COL24A1: variants seen among roughly 807,000 people sequenced by gnomAD.
The protein encoded by COL24A1 is collagen alpha-1(XXIV) chain.
In COL24A1, 224 loss-of-function variants were observed where a neutral mutation model predicts 253.9. The ratio of observed to expected loss-of-function variants is 0.88; its 90% confidence interval spans 0.79 to 0.99. The LOEUF (loss-of-function observed/expected upper bound fraction) is 0.99, where lower values mean the gene tolerates loss of function less well. COL24A1 is among the 50% of genes least tolerant of loss of function. The probability of loss-of-function intolerance (pLI) is 0.00; values close to 1 mark genes in which losing one functional copy is unlikely to be tolerated. For synonymous variants in COL24A1, 685 were observed against 673.7 expected (o/e 1.02, Z -0.26); for missense variants, 2,131 against 2,068.5 (o/e 1.03, Z -0.59).
intron 58 of COL24A1, among the ~76,000 whole-genome samples, chr1:85,735,526 G>A (rs980014784): frequency 2.0e-4 from 31 of 151,814 alleles, no homozygotes; most frequent in African/African-American, 2.4e-5. Flanking sequence ...GAGCCTTAAC[G>A]GACTAGGACA....
chr1:85,842,044 TA>T, intron 41 of COL24A1, 23 bp downstream of exon 41: 2 of 1,604,630 alleles, frequency 1.2e-6, no homozygotes, highest in South Asian at 1.1e-5. Context: ...ACTTTAAGAT[TA>T]AAAAGCCAAT....
chr1:86,022,218 C>A (rs1697605782), intron 18 of COL24A1, 22 bp downstream of exon 18: 1 of 1,609,760 alleles, frequency 6.2e-7, no homozygotes. Flanking sequence ...TTACAAAGAG[C>A]AAAGCAAAAG....
At chr1:85,969,832 A>G (rs1253721385) in intron 22 of COL24A1, among the ~76,000 whole-genome samples, 1 of 152,034 alleles carries the variant, frequency 6.6e-6, no homozygotes, top group Non-Finnish European at 1.5e-5. Context: ...TACCCATGGT[A>G]TTATCTGATG....
At chr1:85,925,720 C>T (rs1193924071) in intron 24 of COL24A1, among the ~76,000 whole-genome samples, 2 of 152,146 alleles carry the variant, frequency 1.3e-5, no homozygotes, top group Admixed American at 1.3e-4. Flanking sequence ...CATAAAAACC[C>T]TAGAAGAAAA....
At chr1:85,870,335 C>T (rs936164695) in intron 35 of COL24A1, among the ~76,000 whole-genome samples, 7 of 152,190 alleles carry the variant, frequency 4.6e-5, no homozygotes, top group Admixed American at 1.3e-4. Context: ...CTCAGCTCTG[C>T]ACCAAGCAGA....
intron 7 of COL24A1, among the ~76,000 whole-genome samples, chr1:86,074,251 T>G (rs912465165): frequency 1.3e-5 from 2 of 151,544 alleles, no homozygotes; most frequent in African/African-American, 4.9e-5. Context: ...AGGCTCAAAA[T>G]AAAGGGATAG....
chr1:86,093,364 A>C (rs1287526362), intron 5 of COL24A1, among the ~76,000 whole-genome samples: 1 of 152,050 alleles, frequency 6.6e-6, no homozygotes, highest in African/African-American at 2.4e-5. Flanking sequence ...CAGTCATCCC[A>C]GCACCATTTA....
At position 85,839,886 on chromosome 1, in the gene COL24A1, T is replaced by C. The variant is rs181256158; in HGVS notation, c.3628-1248A>G. Among the ~76,000 whole-genome samples the C allele has an allele frequency of 2.4e-4, 37 of 152,300 alleles. No homozygotes were observed. The East Asian group carries it at 5.6e-3, about 23-fold the overall frequency. ...TAATATAATAAATCATCAAATTATC[T>C]ACTATAAAATGAAATAGAAATATCA... On this transcript the variant is annotated intron_variant, in intron 42 of 59. Transcript: ENST00000370571.
intron 7 of COL24A1, among the ~76,000 whole-genome samples, chr1:86,086,111 A>G (rs1190745530): frequency 6.6e-6 from 1 of 152,154 alleles, no homozygotes; most frequent in Non-Finnish European, 1.5e-5. Flanking sequence ...ACAAATTTTA[A>G]TATTTACAGG....
intron 3 of COL24A1, among the ~76,000 whole-genome samples, chr1:86,121,032 A>G (rs1000690297): frequency 6.6e-6 from 1 of 152,210 alleles, no homozygotes; most frequent in Non-Finnish European, 1.5e-5. Flanking sequence ...TGAGCAAACT[A>G]TCACAAGGAC....
At chr1:85,735,395 T>C (rs1359039897) in intron 58 of COL24A1, among the ~76,000 whole-genome samples, 6 of 152,216 alleles carry the variant, frequency 3.9e-5, no homozygotes, top group Non-Finnish European at 7.3e-5. Flanking sequence ...GTTAATGCTT[T>C]AATACTTTTT....
At chr1:85,795,071 G>T (rs1334500761) in intron 47 of COL24A1, among the ~76,000 whole-genome samples, 1 of 152,170 alleles carries the variant, frequency 6.6e-6, no homozygotes, top group Non-Finnish European at 1.5e-5. Context: ...TTTATTGAGT[G>T]CATTCCATTT....
chr1:85,979,476 A>G (rs1379306993), intron 20 of COL24A1, among the ~76,000 whole-genome samples: 1 of 152,128 alleles, frequency 6.6e-6, no homozygotes, highest in East Asian at 1.9e-4. Flanking sequence ...AGATCCAAAT[A>G]AGTTCAATAG....
chr1:85,794,944 T>C (rs527710108), intron 47 of COL24A1, among the ~76,000 whole-genome samples: 4 of 152,226 alleles, frequency 2.6e-5, no homozygotes, highest in Admixed American at 2.0e-4. Context: ...CAGGAAAGTG[T>C]TGTCAGTTTT....
intron 24 of COL24A1, among the ~76,000 whole-genome samples, chr1:85,923,899 T>C (rs533184806): frequency 6.6e-6 from 1 of 151,726 alleles, no homozygotes; most frequent in South Asian, 2.1e-4. Flanking sequence ...TTTGAAATGA[T>C]CAAAAAAATT....
At chr1:85,735,924 A>G (rs2100826326) in intron 58 of COL24A1, among the ~76,000 whole-genome samples, 1 of 152,306 alleles carries the variant, frequency 6.6e-6, no homozygotes, top group South Asian at 2.1e-4. Context: ...CAGAAAGAAA[A>G]AACAAAATGA....
intron 11 of COL24A1, among the ~76,000 whole-genome samples, chr1:86,047,598 T>C (rs1463990588): frequency 6.6e-6 from 1 of 152,050 alleles, no homozygotes; most frequent in East Asian, 1.9e-4. Flanking sequence ...AGAAGTTAAT[T>C]CATGTATATA....
rs553666293 is a variant in COL24A1, at chr1:86,139,596, G to A, written c.121+6523C>T. On this transcript the variant is annotated intron_variant, in intron 2 of 59. Transcript: ENST00000370571. ...TTTAGATAAAAAGGAGTAATATATC[G>A]CTTTATAAAGTATAACAAGTTACAG... Among the ~76,000 whole-genome samples the A allele has an allele frequency of 1.2e-4, 19 of 152,132 alleles. No individual in the cohort carries two copies. In the South Asian group the frequency reaches 2.9e-3, roughly 23 times the overall value.
intron 43 of COL24A1, among the ~76,000 whole-genome samples, chr1:85,835,226 G>T (rs1375404565): frequency 7.2e-6 from 1 of 138,246 alleles, no homozygotes; most frequent in Admixed American, 7.2e-5. Context: ...CTGCCTCCCG[G>T]GTTCAAGTGT....
Sources: gnomAD v4.1 joint callset for allele counts (sites outside exome capture counted in the v4.1 genomes callset) on GRCh38, gnomAD v4.1.1 for gene constraint, MANE v1.5 for transcripts, NCBI Gene and HGNC (gene_info 2026-07-23, HGNC 2026-07-21) for gene names.